The following GRIK2 variants were observed in gnomAD, a reference collection of about 807,000 sequenced individuals.
GRIK2 encodes glutamate receptor ionotropic, kainate 2.
A neutral mutation model predicts 100.3 loss-of-function variants in GRIK2; 32 were observed. The observed-to-expected ratio is 0.32, with a 90% CI of 0.24 to 0.43. GRIK2 has a LOEUF of 0.43. GRIK2 is among the 20% of genes least tolerant of loss of function. The pLI, the probability that GRIK2 is intolerant of heterozygous loss-of-function variation, is 1.00. For synonymous variants in GRIK2, 417 were observed against 389.4 expected (o/e 1.07, Z -0.83); for missense variants, 843 against 1,114.9 (o/e 0.76, Z 3.47).
chr6:101,997,994 A>C (rs561244421), intron 14 of GRIK2, among the ~76,000 whole-genome samples: 1 of 152,084 alleles, frequency 6.6e-6, no homozygotes, highest in African/African-American at 2.4e-5. Context: ...GTAAATTTGA[A>C]ATTTTTAACA....
intron 2 of GRIK2, among the ~76,000 whole-genome samples, chr6:101,595,698 ATGTGTGTG>A (rs200462444): frequency 5.1e-5 from 7 of 136,714 alleles, no homozygotes; most frequent in African/African-American, 2.0e-4. Context: ...GTATATATAT[ATGTGTGTG>A]TGTGTGTGTG....
chr6:101,456,117 A>ATTTTTTT (rs200054905), intron 2 of GRIK2, among the ~76,000 whole-genome samples: 1 of 144,316 alleles, frequency 6.9e-6, no homozygotes, highest in Admixed American at 6.9e-5. Flanking sequence ...ATTGGGACAG[A>ATTTTTTT]TTTTTTTTTT....
chr6:102,008,849 G>GA (rs34285865), intron 14 of GRIK2, among the ~76,000 whole-genome samples: 1 of 151,712 alleles, frequency 6.6e-6, no homozygotes, highest in Non-Finnish European at 1.5e-5. Context: ...AAATCTCAAG[G>GA]AAAAAACTTC....
chr6:102,030,029 C>T (rs1344544629), intron 14 of GRIK2, among the ~76,000 whole-genome samples: 1 of 151,176 alleles, frequency 6.6e-6, no homozygotes, highest in Non-Finnish European at 1.5e-5. Context: ...CTCTTAGCAA[C>T]TTTCAAGTAT....
intron 7 of GRIK2, among the ~76,000 whole-genome samples, chr6:101,760,024 C>T (rs937613443): frequency 2.2e-5 from 3 of 136,594 alleles, no homozygotes; most frequent in African/African-American, 6.2e-5. Flanking sequence ...CGCCCGCCAC[C>T]GCGCCCGGCT....
chr6:101,900,061 GTATT>G (rs1438852029), intron 12 of GRIK2, among the ~76,000 whole-genome samples: 1 of 152,008 alleles, frequency 6.6e-6, no homozygotes, highest in Non-Finnish European at 1.5e-5. Flanking sequence ...AGAGAAATGT[GTATT>G]TATTTTAAAA....
chr6:101,769,515 A>T (rs1017304384), intron 7 of GRIK2, among the ~76,000 whole-genome samples: 2 of 152,172 alleles, frequency 1.3e-5, no homozygotes, highest in African/African-American at 4.8e-5. Context: ...GGACATACTC[A>T]GGTGCTATGA....
intron 9 of GRIK2, among the ~76,000 whole-genome samples, chr6:101,811,081 G>A (rs190752719): frequency 6.6e-6 from 1 of 152,000 alleles, no homozygotes; most frequent in Non-Finnish European, 1.5e-5. Context: ...TTTTTCCAAG[G>A]GAAGTAGTCA....
At chr6:101,503,822 C>T (rs1480409742) in intron 2 of GRIK2, among the ~76,000 whole-genome samples, 1 of 151,998 alleles carries the variant, frequency 6.6e-6, no homozygotes, top group African/African-American at 2.4e-5. Context: ...AACTCTATGC[C>T]TTCTTCCATG....
chr6:101,594,109 C>T (rs1038878874), intron 2 of GRIK2, among the ~76,000 whole-genome samples: 1 of 151,768 alleles, frequency 6.6e-6, no homozygotes, highest in Non-Finnish European at 1.5e-5. Flanking sequence ...TGAGTTATTA[C>T]TTTTCTTAAG....
intron 2 of GRIK2, among the ~76,000 whole-genome samples, chr6:101,438,891 GT>G (rs1210583419): frequency 6.6e-6 from 1 of 152,090 alleles, no homozygotes; most frequent in Non-Finnish European, 1.5e-5. Context: ...ATGCACTTTT[GT>G]AAACTGCATT....
chr6:101,454,653 AC>A (rs547575941), intron 2 of GRIK2, among the ~76,000 whole-genome samples: 5 of 151,974 alleles, frequency 3.3e-5, no homozygotes, highest in Non-Finnish European at 7.4e-5. Context: ...GTCAGTCCAA[AC>A]CATTAGCTTT....
chr6:101,430,358 G>A (rs1769306942), intron 2 of GRIK2: 1 of 165,074 alleles, frequency 6.1e-6, no homozygotes, highest in African/African-American at 2.4e-5. Context: ...CTAGCATGAA[G>A]TGTTCTGAAT....
intron 10 of GRIK2, among the ~76,000 whole-genome samples, chr6:101,855,469 T>C (rs887403040): frequency 2.6e-5 from 4 of 152,096 alleles, no homozygotes; most frequent in African/African-American, 9.7e-5. Context: ...ATCTTGAGCA[T>C]AGGGTTAAAT....
chr6:101,840,367 G>C (rs1435583561), intron 10 of GRIK2, among the ~76,000 whole-genome samples: 1 of 152,154 alleles, frequency 6.6e-6, no homozygotes, highest in Admixed American at 6.5e-5. Context: ...CCCAGGTCCT[G>C]ATCTCTGTGT....
intron 7 of GRIK2, among the ~76,000 whole-genome samples, chr6:101,747,586 TAATAA>T (rs1776497531): frequency 6.6e-6 from 1 of 152,220 alleles, no homozygotes; most frequent in South Asian, 2.1e-4. Flanking sequence ...TTTATATCTG[TAATAA>T]AATTAAGATA....
chr6:101,927,551 TA>T (rs1399144713), intron 13 of GRIK2, among the ~76,000 whole-genome samples: 1 of 152,138 alleles, frequency 6.6e-6, no homozygotes, highest in Admixed American at 6.6e-5. Context: ...AAGCTGTAAT[TA>T]AAATTTAAAT....
At chr6:101,970,370 A>C (rs1239336343) in intron 14 of GRIK2, among the ~76,000 whole-genome samples, 1 of 151,972 alleles carries the variant, frequency 6.6e-6, no homozygotes, top group Non-Finnish European at 1.5e-5. Context: ...TTAGACAACA[A>C]ATTTTATTGA....
At chr6:101,686,489 A>G (rs1351381423) in intron 7 of GRIK2, 136 bp downstream of exon 7, 1 of 607,342 alleles carries the variant, frequency 1.6e-6, no homozygotes. Flanking sequence ...CAGAGCTACA[A>G]TGCAAATACT....
Sources: gnomAD v4.1 joint callset for allele counts (sites outside exome capture counted in the v4.1 genomes callset) on GRCh38, gnomAD v4.1.1 for gene constraint, MANE v1.5 for transcripts, NCBI Gene and HGNC (gene_info 2026-07-23, HGNC 2026-07-21) for gene names.